Variants in KLRG1 observed in about 807,000 individuals in gnomAD.
The protein encoded by KLRG1 is killer cell lectin like receptor G1, also known as killer cell lectin-like receptor subfamily G member 1.
Under a neutral mutation model 21.8 loss-of-function variants are expected in KLRG1, and 16 were observed. The ratio of observed to expected loss-of-function variants is 0.73; its 90% CI spans 0.50 to 1.11. The LOEUF (loss-of-function observed/expected upper bound fraction) is 1.11. Ranked by LOEUF, KLRG1 falls within the 50% of genes most tolerant of loss-of-function variation. KLRG1 has a pLI of 0.00. For synonymous variants in KLRG1, 69 were observed against 75.9 expected, an observed-to-expected ratio of 0.91 and a Z score of 0.47; for missense variants, 173 against 218.3, an observed-to-expected ratio of 0.79 and a Z score of 1.31.
the KLRG1 span, chr12:9,153,322 C>T: frequency 5.6e-6 from 9 of 1,613,306 alleles, no homozygotes; most frequent in African/African-American, 1.3e-5. Flanking sequence ...CTGGACAGGG[C>T]ATGGAGAGCC....
the KLRG1 span, chr12:9,152,755 A>C: frequency 6.7e-7 from 1 of 1,493,646 alleles, no homozygotes; most frequent in Non-Finnish European, 9.1e-7. Flanking sequence ...TTCCAAATGG[A>C]CTATTAATTT....
At chr12:8,964,637 G>A (rs367861694) in intron 1 of KLRG1, among the ~76,000 whole-genome samples, 3 of 151,042 alleles carry the variant, frequency 2.0e-5, no homozygotes, top group African/African-American at 7.3e-5. Context: ...ACAGTGGGGT[G>A]TTAAAGTCTC....
the KLRG1 span, among the ~76,000 whole-genome samples, chr12:9,138,908 AT>A: frequency 6.8e-6 from 1 of 148,078 alleles, no homozygotes; most frequent in African/African-American, 2.5e-5. Flanking sequence ...AGCCTCTTTG[AT>A]TTTTTTCTTT....
chr12:9,130,498 A>G, the KLRG1 span, among the ~76,000 whole-genome samples: 3,456 of 152,114 alleles, frequency 0.023, 134 homozygotes, highest in African/African-American at 0.078. Flanking sequence ...ATCCTCACAG[A>G]TGTGAAGTAG....
the KLRG1 span, among the ~76,000 whole-genome samples, chr12:9,047,921 T>C: frequency 1.3e-5 from 2 of 152,154 alleles, no homozygotes; most frequent in Non-Finnish European, 2.9e-5. Context: ...ACTATTATAG[T>C]TGGAGACTTC....
the KLRG1 span, among the ~76,000 whole-genome samples, chr12:9,025,591 C>T: frequency 6.6e-6 from 1 of 152,142 alleles, no homozygotes; most frequent in African/African-American, 2.4e-5. Flanking sequence ...GAGCCGAGAT[C>T]GTGCGACTGC....
At chr12:9,181,262 T>C in the KLRG1 span, 1 of 1,154,382 alleles carries the variant, frequency 8.7e-7, no homozygotes, top group Non-Finnish European at 1.2e-6. Context: ...CAGAAACCTA[T>C]TTTTACAACT....
At chr12:9,210,897 G>A in the KLRG1 span, among the ~76,000 whole-genome samples, 181 of 152,182 alleles carry the variant, frequency 1.2e-3, 1 homozygote, top group African/African-American at 4.2e-3. Flanking sequence ...CTCTCCTAAT[G>A]ATAAAAACAG....
the KLRG1 span, among the ~76,000 whole-genome samples, chr12:9,086,353 GCTCATCA>G: frequency 1.3e-5 from 2 of 152,100 alleles, no homozygotes; most frequent in Non-Finnish European, 2.9e-5. Flanking sequence ...CACAGCAAAA[GCTCATCA>G]CTTAAAAAAC....
intron 1 of KLRG1, among the ~76,000 whole-genome samples, chr12:8,965,523 A>C (rs961041110): frequency 5.9e-4 from 90 of 152,300 alleles, no homozygotes; most frequent in Non-Finnish European, 9.9e-4. Context: ...AAAAATCACA[A>C]GCATTCTTAT....
chr12:8,966,025 A>G (rs1440723217), intron 1 of KLRG1, among the ~76,000 whole-genome samples: 1 of 152,210 alleles, frequency 6.6e-6, no homozygotes. Flanking sequence ...GCCCTCAGAG[A>G]TAATGCCGCA....
chr12:9,099,747 G>A, the KLRG1 span, among the ~76,000 whole-genome samples: 3 of 152,134 alleles, frequency 2.0e-5, no homozygotes, highest in African/African-American at 7.2e-5. Flanking sequence ...CTAATGTTCT[G>A]ATGCTAGTTA....
the KLRG1 span, chr12:9,192,880 A>G: frequency 7.1e-6 from 4 of 560,842 alleles, no homozygotes; most frequent in African/African-American, 5.6e-5. Context: ...CAGCCAAATA[A>G]ATGAATTTTC....
chr12:9,144,636 C>T, the KLRG1 span, among the ~76,000 whole-genome samples: 1 of 152,196 alleles, frequency 6.6e-6, no homozygotes, highest in Admixed American at 6.5e-5. Flanking sequence ...GGACCACTCT[C>T]TCTTACAGAC....
the KLRG1 span, among the ~76,000 whole-genome samples, chr12:9,041,347 CAAAA>C: frequency 6.6e-6 from 1 of 151,952 alleles, no homozygotes; most frequent in African/African-American, 2.4e-5. Flanking sequence ...AACAAACAAA[CAAAA>C]AAACAAAACA....
the KLRG1 span, among the ~76,000 whole-genome samples, chr12:9,212,608 A>T: frequency 6.6e-6 from 1 of 152,212 alleles, no homozygotes; most frequent in Non-Finnish European, 1.5e-5. Flanking sequence ...TGAGGAAAAG[A>T]GTAGTTTTGT....
chr12:9,005,929 T>TA, intron 3 of KLRG1, among the ~76,000 whole-genome samples: 1 of 152,362 alleles, frequency 6.6e-6, no homozygotes, highest in South Asian at 2.1e-4. Context: ...CTGGCCCGCC[T>TA]AGCCGCTCAC....
intron 2 of KLRG1, among the ~76,000 whole-genome samples, chr12:8,992,997 T>A (rs1947019380): frequency 6.6e-6 from 1 of 152,084 alleles, no homozygotes; most frequent in African/African-American, 2.4e-5. Context: ...TACTGCCATA[T>A]TTATTGGGAT....
intron 1 of KLRG1, among the ~76,000 whole-genome samples, chr12:8,956,311 C>G (rs1946292054): frequency 6.6e-6 from 1 of 152,156 alleles, no homozygotes; most frequent in South Asian, 2.1e-4. Context: ...TTGGGACATG[C>G]CCCCGTTCGG....
Sources: allele counts gnomAD v4.1 joint callset (sites outside exome capture counted in the v4.1 genomes callset), GRCh38; gene constraint gnomAD v4.1.1; transcripts MANE v1.5; gene names NCBI Gene and HGNC (gene_info 2026-07-23, HGNC 2026-07-21).